Variants in TTLL5 observed in about 807,000 individuals in gnomAD.
The protein encoded by TTLL5 is tubulin tyrosine ligase like 5.
In TTLL5, 132 loss-of-function variants were observed where a neutral mutation model predicts 168.4. That is an observed-to-expected ratio of 0.78 (90% CI 0.68 to 0.91). TTLL5 has a LOEUF of 0.91. Among genes scored for constraint, TTLL5 ranks in the 40% least tolerant of loss-of-function variants. The pLI, the probability that TTLL5 is intolerant of heterozygous loss-of-function variation, is 0.00. For synonymous variants in TTLL5, 546 were observed against 558.6 expected (o/e 0.98, Z 0.32); for missense variants, 1,545 against 1,581.5 (o/e 0.98, Z 0.39).
At chr14:75,687,883 A>G (rs1411184097) in intron 5 of TTLL5, among the ~76,000 whole-genome samples, 3 of 152,224 alleles carry the variant, frequency 2.0e-5, no homozygotes, top group African/African-American at 7.2e-5. Flanking sequence ...AAACTATACA[A>G]AGTATCAGTA....
rs375286636 is a variant in TTLL5 at position 75,690,127 on chromosome 14, T to C, written c.372-65T>C. On this transcript the variant is annotated intron_variant, in intron 5 of 31. Coordinates refer to ENST00000298832, the MANE Select transcript of TTLL5 (RefSeq NM_015072.5). ...GACTGTGAACTGTAACTCTTTAGAA[T>C]GTGATAACACAGGAAAATTCTGAGT... 7.6e-6 allele frequency: 12 copies of C among 1,579,418 alleles called. No individual in the cohort carries two copies. In the African/African-American group the frequency reaches 9.4e-5, roughly 12 times the overall value.
At chr14:75,865,437 T>C (rs1220963465) in intron 29 of TTLL5, among the ~76,000 whole-genome samples, 1 of 152,140 alleles carries the variant, frequency 6.6e-6, no homozygotes, top group South Asian at 2.1e-4. Context: ...GCTCATTACC[T>C]GGGCCACAGA....
chr14:75,816,831 C>G (rs1432214937), intron 27 of TTLL5, among the ~76,000 whole-genome samples: 1 of 152,024 alleles, frequency 6.6e-6, no homozygotes, highest in Admixed American at 6.6e-5. Context: ...GGAGTGAGTT[C>G]AGGAGTACAG....
intron 7 of TTLL5, among the ~76,000 whole-genome samples, chr14:75,703,908 G>A (rs916714650): frequency 6.6e-6 from 1 of 152,154 alleles, no homozygotes; most frequent in African/African-American, 2.4e-5. Context: ...TTTCATAATA[G>A]TACCACTCAG....
At chr14:75,772,706 C>T (rs1277254614) in intron 21 of TTLL5, among the ~76,000 whole-genome samples, 4 of 149,448 alleles carry the variant, frequency 2.7e-5, no homozygotes, top group Non-Finnish European at 5.9e-5. Context: ...CTTGCTCTGT[C>T]GCCCAGGCTG....
chr14:75,950,135 A>C (rs1175300189), intron 31 of TTLL5, among the ~76,000 whole-genome samples: 1 of 152,222 alleles, frequency 6.6e-6, no homozygotes. Context: ...TATATAGGAA[A>C]TAACTTACGA....
chr14:75,681,228 G>A (rs1237179151), intron 3 of TTLL5, among the ~76,000 whole-genome samples: 1 of 152,054 alleles, frequency 6.6e-6, no homozygotes, highest in African/African-American at 2.4e-5. Context: ...AAAAATATCT[G>A]ATGTCTGTTA....
chr14:75,751,952 A>G lies in TTLL5; in HGVS notation c.1488-941A>G, dbSNP rs116303079. The stretch of plus-strand genomic sequence containing the variant: ...TTTCTTGATTGTATGCTAAACAATC[A>G]AGAAATAAGGTGGATTATCCATGCC... On this transcript the variant is annotated intron_variant, in intron 17 of 31. Coordinates refer to ENST00000298832, the MANE Select transcript of TTLL5 (RefSeq NM_015072.5). Among the ~76,000 whole-genome samples, 1,446 of 152,314 alleles carry G rather than the reference A, an allele frequency of 9.5e-3. 27 individuals are homozygous for G. The highest frequency in any genetic ancestry group is 0.033 in the African/African-American group (1,378 of 41,566).
chr14:75,710,288 T>C (rs532826678), intron 9 of TTLL5: 9 of 152,274 alleles, frequency 5.9e-5, no homozygotes, highest in African/African-American at 2.2e-4. Flanking sequence ...ATGTTTATTA[T>C]AGAATTTACT....
intron 26 of TTLL5, 66 bp downstream of exon 26, chr14:75,783,596 GT>G (rs761709766): frequency 8.1e-5 from 126 of 1,556,298 alleles, no homozygotes; most frequent in Non-Finnish European, 1.1e-4. Context: ...AAGAAAGGAT[GT>G]CATCTCTTCC....
intron 31 of TTLL5, among the ~76,000 whole-genome samples, chr14:75,945,325 T>C (rs1038271216): frequency 1.3e-5 from 2 of 151,586 alleles, no homozygotes; most frequent in African/African-American, 4.8e-5. Context: ...GGCACGATCT[T>C]GGCTCGCTGC....
Position 75,757,754 on chromosome 14 carries a change from AG to A in TTLL5, c.1550+4800del. On this transcript the variant is annotated intron_variant, in intron 18 of 31. Coordinates refer to ENST00000298832, the MANE Select transcript of TTLL5 (RefSeq NM_015072.5). Reference sequence around the variant, plus strand: ...GAATTTCTGTATTAAAAATTTCTGGAGTGCATGTGTGTGTGAACTTAAGAGA... The same window carrying A: ...GAATTTCTGTATTAAAAATTTCTGGATGCATGTGTGTGTGAACTTAAGAGA... 3 of 1,296,918 alleles carry A rather than the reference AG, an allele frequency of 2.3e-6. No homozygotes were observed. The South Asian group carries it at 5.5e-5, about 24-fold the overall frequency. The allele number at this position is 1,296,918 out of a possible 1,614,324, so 80.3% of individuals were successfully genotyped here.
chr14:75,682,521 T>G (rs1884698582), intron 4 of TTLL5, among the ~76,000 whole-genome samples: 1 of 152,160 alleles, frequency 6.6e-6, no homozygotes, highest in African/African-American at 2.4e-5. Flanking sequence ...GATAGAATGA[T>G]TGGCCTAGCT....
At chr14:75,756,031 C>T (rs1439823651) in intron 18 of TTLL5, among the ~76,000 whole-genome samples, 1 of 112,850 alleles carries the variant, frequency 8.9e-6, no homozygotes, top group Non-Finnish European at 1.6e-5. Flanking sequence ...TTACTAAAAG[C>T]TGCCCAGGTA....
intron 19 of TTLL5, 51 bp downstream of exon 19, chr14:75,764,823 C>T (rs1465874425): frequency 4.4e-6 from 7 of 1,599,650 alleles, no homozygotes; most frequent in Non-Finnish European, 6.0e-6. Flanking sequence ...TCCTGCCAGA[C>T]TGAGTTAACC....
intron 30 of TTLL5, among the ~76,000 whole-genome samples, chr14:75,890,121 T>C (rs1189170316): frequency 6.6e-6 from 1 of 152,170 alleles, no homozygotes; most frequent in African/African-American, 2.4e-5. Flanking sequence ...CATGAGGACT[T>C]CCCTGAGCTC....
chr14:75,787,451 A>G (rs565068763), intron 26 of TTLL5, among the ~76,000 whole-genome samples: 1 of 152,362 alleles, frequency 6.6e-6, no homozygotes, highest in South Asian at 2.1e-4. Flanking sequence ...TTCAGTCAAA[A>G]GTTAAACAAT....
chr14:75,905,631 C>T (rs1333489305), intron 31 of TTLL5, among the ~76,000 whole-genome samples: 1 of 152,192 alleles, frequency 6.6e-6, no homozygotes. Flanking sequence ...GGAGTGAGAG[C>T]TCTTGGCCCA....
intron 21 of TTLL5, among the ~76,000 whole-genome samples, chr14:75,773,956 AAAGAGAGAGAGAGAGAG>A (rs1566598172): frequency 4.7e-3 from 230 of 48,806 alleles, no homozygotes; most frequent in African/African-American, 0.014. Context: ...AGAGAGAGAG[AAAGAGAGAGAGAGAGAG>A]AGAGAGAGAG....
Sources: gnomAD v4.1 joint callset for allele counts (sites outside exome capture counted in the v4.1 genomes callset) on GRCh38, gnomAD v4.1.1 for gene constraint, MANE v1.5 for transcripts, NCBI Gene and HGNC (gene_info 2026-07-23, HGNC 2026-07-21) for gene names.